BBS9: variants seen among roughly 807,000 people sequenced by gnomAD.
BBS9 encodes the protein Bardet-Biedl syndrome 9, also known as protein PTHB1.
BBS9 carries 89 observed loss-of-function variants against 117.7 expected under a neutral mutation model. That is an observed-to-expected ratio of 0.76 (90% confidence interval 0.64 to 0.90). BBS9 has a LOEUF of 0.90. BBS9 is among the 40% of genes least tolerant of loss of function. The pLI is 0.00. For missense variants in BBS9, 982 were observed against 1,042.2 expected (o/e 0.94, Z 0.80); for synonymous variants, 379 against 370.9 (o/e 1.02, Z -0.25).
At chr7:33,342,034 G>C (rs1189518770) in intron 11 of BBS9, among the ~76,000 whole-genome samples, 2 of 151,942 alleles carry the variant, frequency 1.3e-5, no homozygotes, top group African/African-American at 2.4e-5. Flanking sequence ...ACAATATTTG[G>C]AGTTCATATC....
intron 21 of BBS9, among the ~76,000 whole-genome samples, chr7:33,540,463 G>T (rs1323495472): frequency 6.6e-6 from 1 of 152,156 alleles, no homozygotes; most frequent in Non-Finnish European, 1.5e-5. Context: ...ATAAACCAAG[G>T]TGTGTATTAA....
chr7:33,340,285 C>T (rs926084482), intron 10 of BBS9, among the ~76,000 whole-genome samples: 13 of 152,106 alleles, frequency 8.5e-5, no homozygotes, highest in African/African-American at 2.9e-4. Context: ...CATTGTACTA[C>T]ATCTTGCTTT....
intron 5 of BBS9, among the ~76,000 whole-genome samples, chr7:33,209,027 A>G (rs1787508948): frequency 6.6e-6 from 1 of 152,214 alleles, no homozygotes; most frequent in Non-Finnish European, 1.5e-5. Context: ...CTATTATGCT[A>G]TCAAATATTA....
At chr7:33,231,556 G>T (rs1307782180) in intron 5 of BBS9, among the ~76,000 whole-genome samples, 1 of 150,276 alleles carries the variant, frequency 6.7e-6, no homozygotes, top group African/African-American at 2.4e-5. Flanking sequence ...TAGCTATTTG[G>T]TTCCATATAA....
chr7:33,563,219 G>T (rs1262902859), intron 21 of BBS9, among the ~76,000 whole-genome samples: 1 of 152,172 alleles, frequency 6.6e-6, no homozygotes, highest in Non-Finnish European at 1.5e-5. Context: ...GCTAGAATAT[G>T]TGTAGGCACT....
chr7:33,294,314 T>TATC (rs1415880406), intron 9 of BBS9, among the ~76,000 whole-genome samples: 3 of 139,008 alleles, frequency 2.2e-5, no homozygotes, highest in Non-Finnish European at 4.5e-5. Flanking sequence ...TCTATCTATC[T>TATC]ATCTATCTAT....
At chr7:33,571,749 G>A (rs939273525) in intron 21 of BBS9, among the ~76,000 whole-genome samples, 1 of 151,946 alleles carries the variant, frequency 6.6e-6, no homozygotes, top group African/African-American at 2.4e-5. Flanking sequence ...TCATCAGGCA[G>A]CATTCTGCTA....
At chr7:33,184,747 C>A (rs539794890) in intron 5 of BBS9, among the ~76,000 whole-genome samples, 20 of 152,210 alleles carry the variant, frequency 1.3e-4, no homozygotes, top group African/African-American at 4.6e-4. Context: ...GATCTAGACC[C>A]CCAGACAGGG....
intron 9 of BBS9, among the ~76,000 whole-genome samples, chr7:33,321,922 T>A (rs1024619196): frequency 1.7e-4 from 26 of 152,062 alleles, no homozygotes; most frequent in African/African-American, 3.9e-4. Flanking sequence ...GGTTTTTTTT[T>A]ATCATGAAAG....
chr7:33,401,978 T>C (rs916952497), intron 19 of BBS9, among the ~76,000 whole-genome samples: 7 of 152,200 alleles, frequency 4.6e-5, no homozygotes, highest in African/African-American at 1.7e-4. Flanking sequence ...TCATGTTATA[T>C]AGAGTTAAAT....
intron 19 of BBS9, among the ~76,000 whole-genome samples, chr7:33,398,334 G>C (rs1216583029): frequency 1.3e-5 from 2 of 152,100 alleles, no homozygotes; most frequent in Non-Finnish European, 2.9e-5. Context: ...AGAATGTTTA[G>C]AGTTTTGAAT....
chr7:33,217,317 G>C lies in BBS9; in HGVS notation c.442+39726G>C, dbSNP rs142618889. On this transcript the variant is annotated intron_variant, in intron 5 of 22. Coordinates refer to ENST00000242067, the MANE Select transcript of BBS9 (RefSeq NM_198428.3). Reference sequence around the variant, plus strand: ...ATTTTTTGGTTTTGCTAAACAGGTTGTGTATTATTAATCATTTGCTATAGC... The same window carrying C: ...ATTTTTTGGTTTTGCTAAACAGGTTCTGTATTATTAATCATTTGCTATAGC... 7.8e-3 allele frequency among the ~76,000 whole-genome samples: 1,179 copies of C among 152,108 alleles called. 19 individuals are homozygous for C. The highest frequency in any genetic ancestry group is 0.027 in the African/African-American group (1,126 of 41,508).
At chr7:33,507,771 C>T (rs749270401) in intron 20 of BBS9, among the ~76,000 whole-genome samples, 24 of 152,126 alleles carry the variant, frequency 1.6e-4, no homozygotes, top group Non-Finnish European at 3.2e-4. Context: ...CGGGTCAGGG[C>T]CAGCTACATA....
intron 4 of BBS9, among the ~76,000 whole-genome samples, chr7:33,156,255 T>C (rs1794075008): frequency 6.6e-6 from 1 of 152,216 alleles, no homozygotes; most frequent in African/African-American, 2.4e-5. Context: ...GTTTGGTTTT[T>C]ATTATATTTT....
chr7:33,368,261 TG>T (rs1329697628), intron 17 of BBS9, among the ~76,000 whole-genome samples: 8 of 152,178 alleles, frequency 5.3e-5, no homozygotes, highest in Non-Finnish European at 8.8e-5. Context: ...TTTTTTTGTT[TG>T]CATATATTCT....
intron 5 of BBS9, among the ~76,000 whole-genome samples, chr7:33,228,507 G>A (rs1791718408): frequency 6.6e-6 from 1 of 152,014 alleles, no homozygotes; most frequent in Non-Finnish European, 1.5e-5. Flanking sequence ...GAACAGTGTG[G>A]GGGTTAGGGA....
At chr7:33,360,375 C>G (rs941432782) in intron 16 of BBS9, among the ~76,000 whole-genome samples, 1 of 151,974 alleles carries the variant, frequency 6.6e-6, no homozygotes, top group African/African-American at 2.4e-5. Flanking sequence ...ATAAAGGCGT[C>G]CAGTACCCCA....
intron 18 of BBS9, among the ~76,000 whole-genome samples, chr7:33,387,738 A>C (rs2128755702): frequency 6.6e-6 from 1 of 152,300 alleles, no homozygotes; most frequent in South Asian, 2.1e-4. Flanking sequence ...ATTGAAAAAC[A>C]CTTATTAAAT....
At chr7:33,526,153 C>G (rs1849463520) in intron 20 of BBS9, among the ~76,000 whole-genome samples, 1 of 151,576 alleles carries the variant, frequency 6.6e-6, no homozygotes, top group Non-Finnish European at 1.5e-5. Context: ...TGAGGGTAAC[C>G]CGACCTTTCT....
Sources: allele counts gnomAD v4.1 joint callset (sites outside exome capture counted in the v4.1 genomes callset), GRCh38; gene constraint gnomAD v4.1.1; transcripts MANE v1.5; gene names NCBI Gene and HGNC (gene_info 2026-07-23, HGNC 2026-07-21).